The following SCN11A variants were observed in gnomAD, a reference collection of about 807,000 sequenced individuals.
SCN11A encodes sodium voltage-gated channel alpha subunit 11.
SCN11A carries 122 observed loss-of-function variants against 162.2 expected under a neutral mutation model. The observed-to-expected ratio is 0.75, with a 90% confidence interval of 0.65 to 0.87. The LOEUF is 0.87. SCN11A is among the 40% of genes least tolerant of loss of function. The pLI is 0.00. For synonymous variants in SCN11A, 758 were observed against 751.5 expected (o/e 1.01, Z -0.14); for missense variants, 2,015 against 2,181.6 (o/e 0.92, Z 1.52).
At position 38,903,898 on chromosome 3, in the gene SCN11A, G is replaced by A. The variant is rs763761315; in HGVS notation, c.1809C>T (p.Ala603=). 17 of 1,610,752 alleles carry A rather than the reference G, an allele frequency of 1.1e-5. No individual in the cohort carries two copies. The highest frequency in any genetic ancestry group is 3.4e-5 in the Admixed American group (2 of 59,210). ...FLAMEHHKME[A]SFEKMLNIGN... Reference sequence around the variant, plus strand: ...CTATATTCAACATCTTCTCAAAACTGGCCTCCATCTTGTGATGCTCCATGG... The same window carrying A: ...CTATATTCAACATCTTCTCAAAACTAGCCTCCATCTTGTGATGCTCCATGG... The change falls in exon 16 of 30, where the codon GCC becomes GCT. Residue 603 remains alanine, a synonymous_variant. Transcript: ENST00000302328.
rs1335178065 is a variant in SCN11A at position 38,850,711 on chromosome 3, T to C, written c.4097A>G (p.Gln1366Arg). 13 of 1,613,434 alleles carry C rather than the reference T, an allele frequency of 8.1e-6. No homozygotes were observed. Among genetic ancestry groups the C allele is most frequent in the Non-Finnish European group, 1.1e-5 (13 of 1,179,558 alleles). The change falls in exon 29 of 30, where the codon CAG (glutamine) becomes CGG (arginine). Residue 1366 changes from glutamine (Q) to arginine (R), a missense_variant. Transcript: ENST00000302328. ...ACTTATGATGATGATGTCAAAGATC[T>C]GGCTTGTGACTATGTCGAACACGAG... ...QGLVFDIVTS[Q>R]IFDIIIISLI...
At chr3:38,881,513 C>T (rs1327841149) in intron 22 of SCN11A, among the ~76,000 whole-genome samples, 1 of 152,128 alleles carries the variant, frequency 6.6e-6, no homozygotes, top group African/African-American at 2.4e-5. Flanking sequence ...CAGAGGCTTC[C>T]ACATTATATC....
chr3:38,883,941 C>T (rs2065352035), intron 21 of SCN11A, among the ~76,000 whole-genome samples: 1 of 152,178 alleles, frequency 6.6e-6, no homozygotes, highest in African/African-American at 2.4e-5. Flanking sequence ...CTTTGTGAAC[C>T]TCTCAGGTCA....
At chr3:39,041,301 G>A (rs1251690266) in intron 1 of SCN11A, among the ~76,000 whole-genome samples, 4 of 152,138 alleles carry the variant, frequency 2.6e-5, no homozygotes, top group Non-Finnish European at 5.9e-5. Context: ...AATAATCACT[G>A]AAACCCTTCT....
At chr3:39,019,946 C>T (rs971311261) in intron 2 of SCN11A, among the ~76,000 whole-genome samples, 1 of 151,894 alleles carries the variant, frequency 6.6e-6, no homozygotes, top group Non-Finnish European at 1.5e-5. Flanking sequence ...CTTGTTTTTC[C>T]ACATTATGAG....
At chr3:38,867,210 T>C (rs2126092460) in intron 27 of SCN11A, 111 bp downstream of exon 27, 1 of 1,008,364 alleles carries the variant, frequency 9.9e-7, no homozygotes. Flanking sequence ...CTTGTTATTG[T>C]GCAGATCATA....
intron 1 of SCN11A, among the ~76,000 whole-genome samples, chr3:39,039,682 G>T (rs1244933074): frequency 1.3e-5 from 2 of 152,130 alleles, no homozygotes; most frequent in African/African-American, 4.8e-5. Context: ...CAATGTGCCT[G>T]GCCAGCCACC....
intron 2 of SCN11A, among the ~76,000 whole-genome samples, chr3:39,015,735 ATG>A (rs2031272559): frequency 2.6e-5 from 4 of 152,118 alleles, no homozygotes; most frequent in Admixed American, 2.6e-4. Flanking sequence ...CACAGGAAAG[ATG>A]TGACATATAT....
In SCN11A at chr3:38,871,566, G is replaced by A. The variant is rs1017830449; in HGVS notation, c.3638C>T (p.Ser1213Leu). 5.0e-6 allele frequency: 8 copies of A among 1,613,070 alleles called. No individual in the cohort carries two copies. The highest frequency in any genetic ancestry group is 1.3e-5 in the African/African-American group (1 of 74,974). Residue 1213 changes from serine (S) to leucine (L), a missense_variant, in exon 25 of 30, where the codon TCA (serine) becomes TTA (leucine). By Grantham distance (145) the Ser-to-Leu change is moderately radical. Transcript: ENST00000302328. ...TGTAATGATGGTATAATTTATAACTGAGTCTGTTCCATTAATGCATTTCCC... is the reference window on the plus strand; with the variant it reads ...TGTAATGATGGTATAATTTATAACTAAGTCTGTTCCATTAATGCATTTCCC... ...KFGKCINGTD[S>L]VINYTIITNK...
chr3:38,945,450 G>C lies in SCN11A; in HGVS notation c.449C>G (p.Pro150Arg). 2 of 1,606,818 alleles carry C rather than the reference G, an allele frequency of 1.2e-6. No homozygotes were observed. The highest frequency in any genetic ancestry group is 1.7e-6 in the Non-Finnish European group (2 of 1,174,700). Residue 150 changes from proline to arginine, a missense_variant, in exon 7 of 30, where the codon CCT becomes CGT. Transcript: ENST00000302328. The stretch of plus-strand genomic sequence containing the variant: ...ATTGTTACTGTTGCTGTTTTTAGCA[G>C]GCCCTGTAGCCATGAACACGCAGTT... Reference protein sequence around the residue: ...IINCVFMATGPAKNSNSNNTD... With the variant: ...IINCVFMATGRAKNSNSNNTD...
Position 38,847,236 on chromosome 3 carries a change from C to A in SCN11A, c.4834G>T (p.Glu1612Ter). 1 of 1,614,024 alleles carries A rather than the reference C, an allele frequency of 6.2e-7. No homozygotes were observed. Among genetic ancestry groups the A allele is most frequent in the Non-Finnish European group, 8.5e-7 (1 of 1,179,918 alleles). The change falls in exon 30 of 30, where the codon GAA becomes TAA. Residue 1612 changes from glutamate (E) to a stop codon, truncating the protein, a stop_gained. Coordinates refer to ENST00000302328, the MANE Select transcript of SCN11A (RefSeq NM_001349253.2). LOFTEE classifies it low-confidence loss of function (END_TRUNC). ...VILENFNTAT[E>*]ESEDPLGEDD... ...TCACCCAAAGGGTCCTCACTTTCTT[C>A]AGTGGCTGTATTGAAGTTCTCTAAA...
At chr3:38,865,427 A>G (rs1453864575) in intron 27 of SCN11A, among the ~76,000 whole-genome samples, 1 of 152,220 alleles carries the variant, frequency 6.6e-6, no homozygotes, top group East Asian at 1.9e-4. Flanking sequence ...TTTGTGTAAC[A>G]ACAGGGAACA....
chr3:38,963,426 T>TATATATATATATATATATATATGATGGAG (rs2066759435), intron 2 of SCN11A, among the ~76,000 whole-genome samples: 1 of 74,228 alleles, frequency 1.3e-5, no homozygotes, highest in Non-Finnish European at 2.3e-5. Context: ...ATGATGGAGA[T>TATATATATATATATATATATATGATGGAG]ATATATATAT....
chr3:38,952,515 TA>T (rs1293602062), intron 4 of SCN11A, among the ~76,000 whole-genome samples: 1 of 152,236 alleles, frequency 6.6e-6, no homozygotes, highest in East Asian at 1.9e-4. Flanking sequence ...GGCATGGTGC[TA>T]GGCACTAACG....
chr3:38,863,485 A>G (rs1038896961), intron 27 of SCN11A, among the ~76,000 whole-genome samples, 186 bp from the exon 28 acceptor site: 1 of 152,128 alleles, frequency 6.6e-6, no homozygotes, highest in Non-Finnish European at 1.5e-5. Context: ...GTTAAGGTAT[A>G]CAGGAGAAAT....
chr3:39,016,766 C>G (rs768727785), intron 2 of SCN11A, among the ~76,000 whole-genome samples: 11 of 151,964 alleles, frequency 7.2e-5, no homozygotes, highest in Non-Finnish European at 1.6e-4. Flanking sequence ...ACATGCCAGG[C>G]TAATTTTTGT....
chr3:38,867,423 G>T lies in SCN11A; in HGVS notation c.3849C>A (p.Leu1283=). The T allele has an allele frequency of 6.2e-7, 1 of 1,612,796 alleles. No homozygotes were observed. Residue 1283 remains leucine (L), a synonymous_variant, in exon 27 of 30, where the codon CTC becomes CTA. Transcript: ENST00000302328. The part of the protein sequence containing the change: ...EQQPEFESNS[L]GYIYFVVFII... Reference sequence around the variant, plus strand: ...TAAAGACTACGAAGTAAATGTAACCGAGTGAATTGCTCTCAAACTCTGGCT... The same window carrying T: ...TAAAGACTACGAAGTAAATGTAACCTAGTGAATTGCTCTCAAACTCTGGCT...
At chr3:39,027,756 G>A (rs2031627310) in intron 2 of SCN11A, among the ~76,000 whole-genome samples, 1 of 152,176 alleles carries the variant, frequency 6.6e-6, no homozygotes, top group Non-Finnish European at 1.5e-5. Flanking sequence ...TCCTTAGCTG[G>A]TGGCTTCTCT....
At chr3:38,867,774 A>G (rs1435322185) in intron 26 of SCN11A, among the ~76,000 whole-genome samples, 1 of 152,094 alleles carries the variant, frequency 6.6e-6, no homozygotes, top group Admixed American at 6.6e-5. Flanking sequence ...ATCCATATGG[A>G]ATGTCCATAT....
Sources: allele counts gnomAD v4.1 joint callset (sites outside exome capture counted in the v4.1 genomes callset), GRCh38; gene constraint gnomAD v4.1.1; transcripts MANE v1.5; gene names NCBI Gene and HGNC (gene_info 2026-07-23, HGNC 2026-07-21).